PTPRD: variants seen among roughly 807,000 people sequenced by gnomAD.
The protein encoded by PTPRD is protein tyrosine phosphatase receptor type D, also known as receptor-type tyrosine-protein phosphatase delta.
Under a neutral mutation model 214.5 loss-of-function variants are expected in PTPRD, and 34 were observed. The ratio of observed to expected loss-of-function variants is 0.16; its 90% CI spans 0.12 to 0.21. PTPRD has a LOEUF of 0.21. PTPRD is among the 10% of genes least tolerant of loss of function. The probability of loss-of-function intolerance (pLI) is 1.00; values close to 1 mark genes in which losing one functional copy is unlikely to be tolerated. For missense variants in PTPRD, 2,545 were observed against 2,398.7 expected, an observed-to-expected ratio of 1.06 and a Z score of -1.27; for synonymous variants, 1,128 against 845.7, an observed-to-expected ratio of 1.33 and a Z score of -5.79.
At chr9:9,021,720 G>C (rs888028633) in intron 10 of PTPRD, among the ~76,000 whole-genome samples, 2 of 151,922 alleles carry the variant, frequency 1.3e-5, no homozygotes, top group African/African-American at 4.8e-5. Flanking sequence ...TGTAGGCCTA[G>C]ACTAATGTGT....
At chr9:9,611,884 G>A (rs955993640) in intron 7 of PTPRD, among the ~76,000 whole-genome samples, 1 of 152,002 alleles carries the variant, frequency 6.6e-6, no homozygotes. Flanking sequence ...TACGCACTTT[G>A]AACTGGCATG....
chr9:8,402,911 G>C (rs528126451), intron 36 of PTPRD, among the ~76,000 whole-genome samples: 3 of 152,180 alleles, frequency 2.0e-5, no homozygotes, highest in Admixed American at 6.5e-5. Flanking sequence ...CTTAGTATCT[G>C]TGGGTGCCTA....
intron 8 of PTPRD, among the ~76,000 whole-genome samples, chr9:9,458,328 A>G (rs10977777): frequency 0.15 from 23,122 of 152,038 alleles, 1,858 homozygotes; most frequent in Middle Eastern, 0.29. Flanking sequence ...TCTGTCAAGA[A>G]GAAATCCAAC....
chr9:8,506,384 C>T (rs1003384292), intron 22 of PTPRD, among the ~76,000 whole-genome samples: 2 of 152,104 alleles, frequency 1.3e-5, no homozygotes, highest in African/African-American at 4.8e-5. Context: ...AACATACTTA[C>T]TACTATTATG....
At chr9:10,570,860 G>A (rs1431120667) in intron 2 of PTPRD, among the ~76,000 whole-genome samples, 1 of 151,438 alleles carries the variant, frequency 6.6e-6, no homozygotes, top group Non-Finnish European at 1.5e-5. Context: ...GGCACTCCCA[G>A]TTGCAAACAA....
At chr9:10,498,071 T>C (rs2042614440) in intron 2 of PTPRD, among the ~76,000 whole-genome samples, 1 of 151,998 alleles carries the variant, frequency 6.6e-6, no homozygotes, top group East Asian at 1.9e-4. Flanking sequence ...TATAATCTAT[T>C]TGAACCAAAT....
chr9:9,899,688 C>A (rs568477427), intron 5 of PTPRD, among the ~76,000 whole-genome samples: 3 of 151,786 alleles, frequency 2.0e-5, no homozygotes, highest in African/African-American at 7.3e-5. Context: ...GCCAGCAATC[C>A]CACTACTAGA....
chr9:9,885,051 G>A (rs1176055103), intron 5 of PTPRD, among the ~76,000 whole-genome samples: 1 of 152,022 alleles, frequency 6.6e-6, no homozygotes, highest in Non-Finnish European at 1.5e-5. Context: ...GTGGCAGAAA[G>A]GCTAGTAAAA....
At chr9:8,708,878 C>A (rs185672232) in intron 12 of PTPRD, among the ~76,000 whole-genome samples, 1 of 151,984 alleles carries the variant, frequency 6.6e-6, no homozygotes, top group African/African-American at 2.4e-5. Context: ...ATAAAGAAAA[C>A]GTCCTATTAT....
chr9:8,909,866 C>CAAA (rs35074557), intron 11 of PTPRD, among the ~76,000 whole-genome samples: 7 of 121,836 alleles, frequency 5.7e-5, no homozygotes, highest in Non-Finnish European at 1.1e-4. Flanking sequence ...ATATTAAAGG[C>CAAA]AAAAAAAAAA....
At chr9:10,578,202 A>G (rs1301557114) in intron 2 of PTPRD, among the ~76,000 whole-genome samples, 2 of 151,862 alleles carry the variant, frequency 1.3e-5, no homozygotes, top group African/African-American at 4.8e-5. Flanking sequence ...GAGCCACCAC[A>G]CCCAGCCCAT....
intron 2 of PTPRD, among the ~76,000 whole-genome samples, chr9:10,413,849 G>C (rs1190773013): frequency 6.6e-6 from 1 of 151,902 alleles, no homozygotes; most frequent in African/African-American, 2.4e-5. Flanking sequence ...ACAAAAACAA[G>C]CATGGGGAAA....
chr9:10,502,081 T>A (rs759301214), intron 2 of PTPRD, among the ~76,000 whole-genome samples: 1 of 151,824 alleles, frequency 6.6e-6, no homozygotes, highest in Non-Finnish European at 1.5e-5. Context: ...TGTGCTATTG[T>A]GAAAGAGGTC....
rs1567064039 is a variant in PTPRD, at chr9:8,929,871, G to GTATATATA, written c.-104+88825_-104+88826insTATATATA. Among the ~76,000 whole-genome samples the GTATATATA allele has an allele frequency of 2.7e-4, 23 of 84,750 alleles. 2 individuals carry two copies. The highest frequency in any genetic ancestry group is 8.5e-4 in the African/African-American group (21 of 24,654). The allele number at this position is 84,750 out of a possible 152,430, so 55.6% of individuals were successfully genotyped here. On this transcript the variant is annotated intron_variant, in intron 11 of 45. Coordinates refer to ENST00000381196, the MANE Select transcript of PTPRD (RefSeq NM_002839.4). ...TGTATATATATGTGTATATACATGTGTGTGTATATATGTGTGTGTATATAT... is the reference window on the plus strand; with the variant it reads ...TGTATATATATGTGTATATACATGTGTATATATATGTGTATATATGTGTGTGTATATAT...
At chr9:8,368,269 C>G (rs150686491) in intron 39 of PTPRD, among the ~76,000 whole-genome samples, 1 of 152,280 alleles carries the variant, frequency 6.6e-6, no homozygotes, top group East Asian at 1.9e-4. Flanking sequence ...GTCTCAATTT[C>G]CTTAGCTGGC....
At chr9:9,554,800 T>C (rs77012068) in intron 8 of PTPRD, among the ~76,000 whole-genome samples, 2,671 of 152,182 alleles carry the variant, frequency 0.018, 41 homozygotes, top group Admixed American at 0.026. Context: ...ATTTGCCCCA[T>C]AATGTACATA....
At chr9:9,888,660 C>T (rs755820898) in intron 5 of PTPRD, among the ~76,000 whole-genome samples, 15 of 152,094 alleles carry the variant, frequency 9.9e-5, no homozygotes, top group Non-Finnish European at 1.5e-4. Flanking sequence ...CTGCCATGAG[C>T]GAAAGCTTCC....
intron 11 of PTPRD, among the ~76,000 whole-genome samples, chr9:8,824,417 C>T (rs7864663): frequency 1.3e-5 from 2 of 151,912 alleles, no homozygotes; most frequent in East Asian, 1.9e-4. Context: ...CTTGCATTCA[C>T]GGTAGAGAAG....
intron 11 of PTPRD, among the ~76,000 whole-genome samples, chr9:8,769,424 T>G (rs1290185833): frequency 6.6e-6 from 1 of 152,214 alleles, no homozygotes; most frequent in Admixed American, 6.5e-5. Context: ...TTTCAGTGAA[T>G]AGCATCATCA....
Sources: gnomAD v4.1 joint callset for allele counts (sites outside exome capture counted in the v4.1 genomes callset) on GRCh38, gnomAD v4.1.1 for gene constraint, MANE v1.5 for transcripts, NCBI Gene and HGNC (gene_info 2026-07-23, HGNC 2026-07-21) for gene names.